Variants in URI1 observed in about 807,000 individuals in gnomAD.
URI1 encodes the protein URI1 prefoldin like chaperone.
In URI1, 39 loss-of-function variants were observed where a neutral mutation model predicts 60.2. That is an observed-to-expected ratio of 0.65 (90% CI 0.50 to 0.85). The LOEUF (loss-of-function observed/expected upper bound fraction) is 0.85. URI1 is among the 40% of genes least tolerant of loss of function. The probability of loss-of-function intolerance (pLI) is 0.00; values close to 1 mark genes in which losing one functional copy is unlikely to be tolerated. For synonymous variants in URI1, 251 were observed against 236.8 expected (o/e 1.06, Z -0.55); for missense variants, 691 against 665.9 (o/e 1.04, Z -0.42).
At position 29,942,642 on chromosome 19, in the gene URI1, G is replaced by C; in HGVS notation, c.95G>C (p.Arg32Pro). ...CCGTTGCGCGCCCCGGATGTGGCGC[G>C]GCTGCGCGAGGAGCAGGAAAAGGTA... ...LVPLRAPDVARLREEQEKVVT... is the reference protein window; with the variant it reads ...LVPLRAPDVAPLREEQEKVVT... The change falls in exon 1 of 11, where the codon CGG becomes CCG. Residue 32 changes from arginine to proline, a missense_variant. Transcript: ENST00000392271. The C allele has an allele frequency of 6.9e-7, 1 of 1,449,530 alleles. No homozygotes were observed. The highest frequency in any genetic ancestry group is 9.1e-7 in the Non-Finnish European group (1 of 1,102,006). The allele number at this position is 1,449,530 out of a possible 1,614,324, so 89.8% of individuals were successfully genotyped here. A position where few individuals can be genotyped will look rare whatever the true frequency, so the allele number is the denominator to read the frequency against.
intron 1 of URI1, among the ~76,000 whole-genome samples, chr19:29,964,854 T>TG (rs1395051251): frequency 1.3e-5 from 2 of 150,254 alleles, no homozygotes; most frequent in African/African-American, 4.9e-5. Context: ...TATATTTTCC[T>TG]GTTTTTTTTT....
At position 30,015,297 on chromosome 19, in the gene URI1, A is replaced by T; in HGVS notation, c.*228A>T. 7.1e-7 allele frequency: 1 copy of T among 1,417,436 alleles called. No individual in the cohort carries two copies. 87.8% of individuals were successfully genotyped at this position (1,417,436 alleles called of 1,614,324 possible). A position where few individuals can be genotyped will look rare whatever the true frequency, so the allele number is the denominator to read the frequency against. ...TTCTCTGAATACTGTCAACACTCTT[A>T]TCTAAGTTTGCCTTTATGATGCAGT... On this transcript the variant is annotated 3_prime_UTR_variant, in exon 11 of 11. Coordinates refer to ENST00000392271, the MANE Select transcript of URI1 (RefSeq NM_003796.3).
intron 4 of URI1, among the ~76,000 whole-genome samples, chr19:29,993,431 CTTG>C (rs2055770925): frequency 6.6e-6 from 1 of 152,158 alleles, no homozygotes; most frequent in African/African-American, 2.4e-5. Context: ...TCCCTTTAGT[CTTG>C]TTTAATGTTG....
At position 29,984,556 on chromosome 19, in the gene URI1, A is replaced by G. The variant is rs141545187; in HGVS notation, c.153-667A>G. On this transcript the variant is annotated intron_variant, in intron 2 of 10. Transcript: ENST00000392271. Reference sequence around the variant, plus strand: ...CAGATAGTCTTGTATCTTAAAAAACAGTAATTCTCAAAATTTGAGTATTCT... The same window carrying G: ...CAGATAGTCTTGTATCTTAAAAAACGGTAATTCTCAAAATTTGAGTATTCT... 3.4e-3 allele frequency among the ~76,000 whole-genome samples: 515 copies of G among 152,362 alleles called. 1 individual carries two copies. The highest frequency in any genetic ancestry group is 0.011 in the African/African-American group (474 of 41,580).
chr19:29,939,418 G>A (rs1468317774), upstream of URI1, among the ~76,000 whole-genome samples: 1 of 152,050 alleles, frequency 6.6e-6, no homozygotes, highest in Non-Finnish European at 1.5e-5. Context: ...GGGATTACAG[G>A]TGTGTGCCAC....
chr19:29,996,077 T>G (rs906209231), intron 4 of URI1, among the ~76,000 whole-genome samples: 11 of 152,138 alleles, frequency 7.2e-5, no homozygotes, highest in Admixed American at 3.3e-4. Context: ...TAAATATTGT[T>G]TTGGTTATTG....
intron 2 of URI1, among the ~76,000 whole-genome samples, chr19:29,975,477 C>T (rs1599691548): frequency 6.7e-6 from 1 of 149,998 alleles, no homozygotes; most frequent in Non-Finnish European, 1.5e-5. Context: ...CTAACTTTGT[C>T]CCCTAATTCT....
upstream of URI1, chr19:29,937,783 G>A (rs998147034): frequency 3.9e-5 from 6 of 152,094 alleles, no homozygotes; most frequent in Non-Finnish European, 7.4e-5. Flanking sequence ...AATCCCTCAG[G>A]ACTCAAAAAT....
At chr19:29,991,045 G>C (rs1180944691) in intron 4 of URI1, among the ~76,000 whole-genome samples, 1 of 152,026 alleles carries the variant, frequency 6.6e-6, no homozygotes, top group East Asian at 1.9e-4. Context: ...TTGGTAGTAC[G>C]GGTGCTCTAA....
intron 1 of URI1, chr19:29,956,934 TA>T (rs2055256169): frequency 9.6e-7 from 1 of 1,043,684 alleles, no homozygotes; most frequent in East Asian, 2.4e-5. Flanking sequence ...CCCTTCAGAG[TA>T]ACGTTGACAT....
rs563729123 is a variant in URI1 at position 29,942,734 on chromosome 19, G to T, written c.117+70G>T. 2.9e-5 allele frequency: 38 copies of T among 1,293,610 alleles called. No individual in the cohort carries two copies. The African/African-American group carries it at 5.4e-4, about 18-fold the overall frequency. The allele number at this position is 1,293,610 out of a possible 1,614,324, so 80.1% of individuals were successfully genotyped here. On this transcript the variant is annotated intron_variant, in intron 1 of 10. Transcript: ENST00000392271. ...GCCCCTGCCTGTGCTCTGGGCCGCC[G>T]CCCCGCGTGGCCTAGGCCCAGCTGC...
At chr19:29,960,764 T>C (rs1014178894) in intron 1 of URI1, among the ~76,000 whole-genome samples, 4 of 152,238 alleles carry the variant, frequency 2.6e-5, no homozygotes, top group Admixed American at 2.6e-4. Context: ...GGATTCCTGA[T>C]ATATTTAATT....
chr19:29,925,101 G>T (rs2054854732), intron 1 of URI1, among the ~76,000 whole-genome samples: 1 of 152,230 alleles, frequency 6.6e-6, no homozygotes, highest in Non-Finnish European at 1.5e-5. Context: ...CTCCCAAAGT[G>T]CTGGGATTAC....
intron 2 of URI1, among the ~76,000 whole-genome samples, chr19:29,976,274 T>C (rs1599692512): frequency 6.6e-6 from 1 of 152,162 alleles, no homozygotes; most frequent in African/African-American, 2.4e-5. Context: ...ATTCAGTGGG[T>C]GTGCATATTA....
intron 4 of URI1, among the ~76,000 whole-genome samples, chr19:30,002,285 G>A (rs1313728451): frequency 6.6e-6 from 1 of 151,864 alleles, no homozygotes; most frequent in African/African-American, 2.4e-5. Flanking sequence ...CTAAATATTT[G>A]GTCTTACTTA....
intron 1 of URI1, chr19:29,956,261 C>G: frequency 1.5e-6 from 1 of 665,972 alleles, no homozygotes; most frequent in Non-Finnish European, 2.3e-6. Context: ...CAGGCATGAG[C>G]CACGGCGCCT....
upstream of URI1, among the ~76,000 whole-genome samples, chr19:29,940,635 GA>G (rs1185517380): frequency 8.8e-5 from 13 of 147,644 alleles, no homozygotes; most frequent in Middle Eastern, 3.4e-3. Flanking sequence ...GGCAACAGAG[GA>G]AAAAAAAAAG....
intron 2 of URI1, among the ~76,000 whole-genome samples, chr19:29,982,814 A>G (rs1420325742): frequency 1.3e-5 from 2 of 152,194 alleles, no homozygotes; most frequent in Non-Finnish European, 2.9e-5. Flanking sequence ...CATGAAAAAA[A>G]TGAGTTTTGA....
In URI1 at chr19:29,986,291, G is replaced by T; in HGVS notation, c.241G>T (p.Gly81Cys). Residue 81 changes from glycine (G) to cysteine (C), a missense_variant, in exon 4 of 11, where the codon GGC becomes TGC. Transcript: ENST00000392271. ...TTTTTTTAAACAATAGGTACCATTT[G>T]GCCCTTTTGCCTTCATGCCAGGAAA... ...KLSYNIMVPF[G>C]PFAFMPGKLV... The T allele has an allele frequency of 6.3e-7, 1 of 1,588,148 alleles. No individual in the cohort carries two copies. The highest frequency in any genetic ancestry group is 2.3e-5 in the East Asian group (1 of 43,188).
Sources: allele counts gnomAD v4.1 joint callset (sites outside exome capture counted in the v4.1 genomes callset), GRCh38; gene constraint gnomAD v4.1.1; transcripts MANE v1.5; gene names NCBI Gene and HGNC (gene_info 2026-07-23, HGNC 2026-07-21).